Variants in LTBP3 observed in about 807,000 individuals in gnomAD.
The protein encoded by LTBP3 is latent transforming growth factor beta binding protein 3.
In LTBP3, 97 loss-of-function variants were observed where a neutral mutation model predicts 159.7. The observed-to-expected ratio is 0.61, with a 90% CI of 0.52 to 0.72. LTBP3 has a LOEUF of 0.72. LTBP3 is among the 30% of genes least tolerant of loss of function. LTBP3 has a pLI of 0.00. For synonymous variants in LTBP3, 824 were observed against 777.1 expected, an observed-to-expected ratio of 1.06 and a Z score of -1.00; for missense variants, 1,584 against 1,864.3, an observed-to-expected ratio of 0.85 and a Z score of 2.77.
At chr11:65,550,255 C>G (rs1856554102) in intron 11 of LTBP3, among the ~76,000 whole-genome samples, 1 of 151,000 alleles carries the variant, frequency 6.6e-6, no homozygotes, top group Non-Finnish European at 1.5e-5. Flanking sequence ...TAAAAATACA[C>G]AAAAAAATTA....
At position 65,540,685 on chromosome 11, in the gene LTBP3, C is replaced by G; in HGVS notation, c.2978-71G>C. On this transcript the variant is annotated intron_variant, in intron 21 of 27. Transcript: ENST00000301873. ...CCGGAGGCGTGGGCTGGGCGCACCA[C>G]CGGAGCGAAGCCATCCCCGGGCGGG... 2.7e-6 allele frequency: 4 copies of G among 1,476,326 alleles called. 1 individual carries two copies. In the South Asian group the frequency reaches 3.7e-5, roughly 14 times the overall value. The allele number at this position is 1,476,326 out of a possible 1,614,324, so 91.5% of individuals were successfully genotyped here.
Position 65,553,082 on chromosome 11 carries a change from C to T in LTBP3, c.1063+82G>A. On this transcript the variant is annotated intron_variant, in intron 5 of 27. Transcript: ENST00000301873. The surrounding 1 kb of genome is among the most constrained non-coding windows in gnomAD (Gnocchi z 6.5). ...GTCTTGCCCCAGCCCCACCTCCTCT[C>T]TCGCCCACCTTGGGACCCTCCCCAC... 1 of 1,606,656 alleles carries T rather than the reference C, an allele frequency of 6.2e-7. No individual in the cohort carries two copies. Among genetic ancestry groups the T allele is most frequent in the Non-Finnish European group, 8.5e-7 (1 of 1,173,780 alleles).
chr11:65,543,623 C>T (rs753991087), intron 16 of LTBP3, 74 bp from the exon 17 acceptor site: 67 of 1,591,374 alleles, frequency 4.2e-5, no homozygotes, highest in East Asian at 3.1e-4. Context: ...CTCACTTCTG[C>T]GCATGGCCTG....
At position 65,553,635 on chromosome 11, in the gene LTBP3, C is replaced by T; in HGVS notation, c.864+66G>A. 7.2e-6 allele frequency: 11 copies of T among 1,526,444 alleles called. No individual in the cohort carries two copies. The highest frequency in any genetic ancestry group is 1.4e-5 in the African/African-American group (1 of 73,198). 94.6% of individuals were successfully genotyped at this position (1,526,444 alleles called of 1,614,324 possible). On this transcript the variant is annotated intron_variant, in intron 3 of 27. Transcript: ENST00000301873. This position sits in a 1 kb window ranked among gnomAD's most constrained non-coding sequence, Gnocchi z 6.5. The stretch of plus-strand genomic sequence containing the variant: ...CCCCGCCCCTCAGTTTTCTGCTATC[C>T]GAGTGAGTTGGGGCAGAGCAACCCT...
chr11:65,542,944 G>A (rs1309946653), intron 18 of LTBP3, 161 bp downstream of exon 18: 1 of 826,480 alleles, frequency 1.2e-6, no homozygotes. Context: ...ATGGATGGAT[G>A]GATGGATGGA....
At chr11:65,548,814 C>G (rs1174059232) in intron 11 of LTBP3, 1 of 152,614 alleles carries the variant, frequency 6.6e-6, no homozygotes, top group Non-Finnish European at 1.5e-5. Context: ...CCTGGAGTAC[C>G]TCTCCTTAGG....
rs755084778 is a variant in LTBP3, at chr11:65,546,567, G to A, written c.2231-3C>T. ...GCCCTCGGCGCACTCGTTCACGTCT[G>A]CGGCGGAAAGACCTAGCCTCGGACT... On this transcript the variant is annotated splice_region_variant and splice_polypyrimidine_tract_variant and intron_variant, in intron 15 of 27. Coordinates refer to ENST00000301873, the MANE Select transcript of LTBP3 (RefSeq NM_001130144.3). The surrounding 1 kb of genome is among the most constrained non-coding windows in gnomAD (Gnocchi z 4.0). 9 of 1,602,024 alleles carry A rather than the reference G, an allele frequency of 5.6e-6. No individual in the cohort carries two copies. The East Asian group carries it at 1.8e-4, about 32-fold the overall frequency.
chr11:65,544,723 AAGGTAATCCC>A lies in LTBP3; in HGVS notation c.2354-1184_2354-1175del, dbSNP rs1856291752. On this transcript the variant is annotated intron_variant, in intron 16 of 27. Transcript: ENST00000301873. ...CCTTCACTGTGTATTGAGAGAATTA[AAGGTAATCCC>A]CCTTAACCCACTGAACATCGTTATC... 9 of 152,498 alleles carry A rather than the reference AAGGTAATCCC, an allele frequency of 5.9e-5. 2 individuals carry two copies. Among genetic ancestry groups the A allele is most frequent in the Admixed American group, 5.9e-4 (9 of 15,270 alleles). The allele number at this position is 152,498 out of a possible 1,614,324, so 9.4% of individuals were successfully genotyped here. A position where few individuals can be genotyped will look rare whatever the true frequency, so the allele number is the denominator to read the frequency against.
chr11:65,538,920 GGGGGCCGGTAGGGGCGCCTC>G lies in LTBP3; in HGVS notation c.*140_*159del, dbSNP rs1855896282. ...TTACAACCGCCCGCTAACCGGGGAGGGGGGCCGGTAGGGGCGCCTCGGGTCTCAAGGCGCCGGGAGGGTCT... is the reference window on the plus strand; with the variant it reads ...TTACAACCGCCCGCTAACCGGGGAGGGGGTCTCAAGGCGCCGGGAGGGTCT... On this transcript the variant is annotated 3_prime_UTR_variant, in exon 28 of 28. Coordinates refer to ENST00000301873, the MANE Select transcript of LTBP3 (RefSeq NM_001130144.3). The G allele has an allele frequency of 2.4e-6, 3 of 1,275,390 alleles. No individual in the cohort carries two copies. Among genetic ancestry groups the G allele is most frequent in the Non-Finnish European group, 3.0e-6 (3 of 997,774 alleles). 79.0% of individuals were successfully genotyped at this position (1,275,390 alleles called of 1,614,324 possible). A position where few individuals can be genotyped will look rare whatever the true frequency, so the allele number is the denominator to read the frequency against.
Position 65,557,900 on chromosome 11 carries a change from C to G in LTBP3, c.60G>C (p.Ala20=), listed in dbSNP as rs1211398437. ...GLAPEMRGAG[A]AGLLALLLLL... The stretch of plus-strand genomic sequence containing the variant: ...GCAGCAGCAGCGCCAGCAGCCCCGC[C>G]GCCCCCGCCCCGCGCATCTCAGGGG... Residue 20 remains alanine, a synonymous_variant, in exon 1 of 28, where the codon GCG becomes GCC. Coordinates refer to ENST00000301873, the MANE Select transcript of LTBP3 (RefSeq NM_001130144.3). 1 of 1,271,374 alleles carries G rather than the reference C, an allele frequency of 7.9e-7. No homozygotes were observed. The highest frequency in any genetic ancestry group is 1.6e-5 in the African/African-American group (1 of 64,128). 78.8% of individuals were successfully genotyped at this position (1,271,374 alleles called of 1,614,324 possible).
Position 65,538,563 on chromosome 11 carries a change from C to A in LTBP3, c.*517G>T. On this transcript the variant is annotated 3_prime_UTR_variant, in exon 28 of 28. Coordinates refer to ENST00000301873, the MANE Select transcript of LTBP3 (RefSeq NM_001130144.3). ...TGAAGCTGGGAGCCCGGAAGCTGGA[C>A]TGAACCGTGGCGGTGGCCCTTCCCG... The A allele has an allele frequency of 6.2e-7, 1 of 1,610,714 alleles. No individual in the cohort carries two copies. The highest frequency in any genetic ancestry group is 8.5e-7 in the Non-Finnish European group (1 of 1,178,994).
chr11:65,557,499 C>A (rs1336757086), intron 1 of LTBP3, 130 bp downstream of exon 1: 6 of 1,283,592 alleles, frequency 4.7e-6, no homozygotes, highest in Admixed American at 4.2e-5. Context: ...GGCCCCTGGT[C>A]CCCCAGGCCC....
intron 1 of LTBP3, among the ~76,000 whole-genome samples, chr11:65,555,209 C>G (rs1856766530): frequency 6.6e-6 from 1 of 152,210 alleles, no homozygotes; most frequent in Non-Finnish European, 1.5e-5. Flanking sequence ...CTTCCAGCCT[C>G]TCCTGCTGGT....
chr11:65,552,925 G>A lies in LTBP3; in HGVS notation c.1121C>T (p.Pro374Leu). ...VCRHGDCLNNPGSYRCVCPPG... is the reference protein window; with the variant it reads ...VCRHGDCLNNLGSYRCVCPPG... ...TGGGCAGACACAGCGATAGGAGCCA[G>A]GGTTGTTGAGGCAGTCACCATGGCG... The change falls in exon 6 of 28, where the codon CCT (proline) becomes CTT (leucine). Residue 374 changes from proline to leucine, a missense_variant. Physicochemically the swap from Pro to Leu is moderately conservative, Grantham distance 98. This residue lies in a region of LTBP3 where 156 missense variants were observed against 259.7 expected (regional missense o/e 0.60). Coordinates refer to ENST00000301873, the MANE Select transcript of LTBP3 (RefSeq NM_001130144.3). This position sits in a 1 kb window ranked among gnomAD's most constrained non-coding sequence, Gnocchi z 6.0. 1.2e-6 allele frequency: 2 copies of A among 1,614,236 alleles called. No individual in the cohort carries two copies. The highest frequency in any genetic ancestry group is 1.7e-6 in the Non-Finnish European group (2 of 1,180,030).
chr11:65,546,786 C>T lies in LTBP3; in HGVS notation c.2230+12G>A. 6.3e-7 allele frequency: 1 copy of T among 1,594,644 alleles called. No homozygotes were observed. The highest frequency in any genetic ancestry group is 1.1e-5 in the South Asian group (1 of 90,882). ...ACGGCCCCACCCACTCGGCTCCGGG[C>T]CCCGCCCTCACCGCGACAGGCCCCG... On this transcript the variant is annotated intron_variant, in intron 15 of 27. Transcript: ENST00000301873. This position sits in a 1 kb window ranked among gnomAD's most constrained non-coding sequence, Gnocchi z 4.0.
At position 65,557,771 on chromosome 11, in the gene LTBP3, C is replaced by T; in HGVS notation, c.189G>A (p.Lys63=). The T allele has an allele frequency of 6.3e-7, 1 of 1,599,660 alleles. No homozygotes were observed. The highest frequency in any genetic ancestry group is 8.5e-7 in the Non-Finnish European group (1 of 1,178,676). Residue 63 remains lysine (K), a synonymous_variant, in exon 1 of 28, where the codon AAG becomes AAA. Transcript: ENST00000301873. ...TGCAGATCACCGGCGCAAAGACCACCTTGAAGCGCTCGCGGGCCAGCGCCC... is the reference window on the plus strand; with the variant it reads ...TGCAGATCACCGGCGCAAAGACCACTTTGAAGCGCTCGCGGGCCAGCGCCC... The part of the protein sequence containing the change: ...GGGALARERF[K]VVFAPVICKR...
chr11:65,555,568 G>A (rs1856778755), intron 1 of LTBP3, among the ~76,000 whole-genome samples: 1 of 152,182 alleles, frequency 6.6e-6, no homozygotes, highest in African/African-American at 2.4e-5. Flanking sequence ...CTATGTTCTT[G>A]TCTGTCTGCC....
intron 11 of LTBP3, among the ~76,000 whole-genome samples, 193 bp downstream of exon 11, chr11:65,550,933 T>G (rs541912887): frequency 1.3e-5 from 2 of 152,366 alleles, no homozygotes; most frequent in African/African-American, 4.8e-5. Flanking sequence ...TCCCTCAGAA[T>G]GGGCTAACCA....
intron 19 of LTBP3, 24 bp downstream of exon 19, chr11:65,541,576 G>A (rs772722873): frequency 1.9e-6 from 3 of 1,614,040 alleles, no homozygotes; most frequent in East Asian, 2.2e-5. Flanking sequence ...TCCAGTCCGA[G>A]GGAGGAGCTG....
Sources: allele counts gnomAD v4.1 joint callset (sites outside exome capture counted in the v4.1 genomes callset), GRCh38; gene constraint gnomAD v4.1.1; regional missense constraint gnomAD v4.1.1; non-coding constraint Gnocchi (gnomAD v3.1); transcripts MANE v1.5; gene names NCBI Gene and HGNC (gene_info 2026-07-23, HGNC 2026-07-21).